SEPHS1: variants seen among roughly 807,000 people sequenced by gnomAD.
SEPHS1 encodes zincore component SEPHS1.
In SEPHS1, 7 loss-of-function variants were observed where a neutral mutation model predicts 39.2. That is an observed-to-expected ratio of 0.18 (90% CI 0.10 to 0.34). The LOEUF (loss-of-function observed/expected upper bound fraction) is 0.34. Ranked by LOEUF, SEPHS1 falls within the 10% of genes least tolerant of loss-of-function variation. The pLI, the probability that SEPHS1 is intolerant of heterozygous loss-of-function variation, is 1.00. For missense variants in SEPHS1, 253 were observed against 514.5 expected (o/e 0.49, Z 4.92); for synonymous variants, 190 against 195.5 (o/e 0.97, Z 0.23).
chr10:13,337,546 G>C (rs1428175587), intron 3 of SEPHS1, among the ~76,000 whole-genome samples: 1 of 152,214 alleles, frequency 6.6e-6, no homozygotes, highest in Admixed American at 6.5e-5. Flanking sequence ...CATTCCTGGA[G>C]GTCAGCAATG....
chr10:13,336,699 G>A (rs1833646578), intron 3 of SEPHS1, among the ~76,000 whole-genome samples: 1 of 152,186 alleles, frequency 6.6e-6, no homozygotes, highest in South Asian at 2.1e-4. Context: ...GTTTAGAACC[G>A]ACAGTCTTGG....
intron 2 of SEPHS1, among the ~76,000 whole-genome samples, chr10:13,342,831 G>A (rs1433392254): frequency 6.6e-6 from 1 of 151,838 alleles, no homozygotes; most frequent in Non-Finnish European, 1.5e-5. Context: ...TGCCTCCCGG[G>A]CTCAAGGGAT....
chr10:13,334,042 ACT>A, intron 4 of SEPHS1, 71 bp from the exon 5 acceptor site: 1 of 1,325,382 alleles, frequency 7.5e-7, no homozygotes, highest in Non-Finnish European at 1.0e-6. Flanking sequence ...AGGTTTTTAC[ACT>A]TACAGTTATA....
At chr10:13,326,740 C>T (rs1833307242) in intron 7 of SEPHS1, among the ~76,000 whole-genome samples, 1 of 152,020 alleles carries the variant, frequency 6.6e-6, no homozygotes, top group South Asian at 2.1e-4. Flanking sequence ...CACTATGTTG[C>T]CTAGGCTGGT....
chr10:13,320,508 G>A (rs925040606), intron 8 of SEPHS1, among the ~76,000 whole-genome samples: 2 of 151,216 alleles, frequency 1.3e-5, no homozygotes, highest in African/African-American at 4.9e-5. Context: ...GTAGAAATAA[G>A]ATGATGAGGA....
At chr10:13,336,210 G>T in intron 4 of SEPHS1, 33 bp downstream of exon 4, 1 of 1,463,660 alleles carries the variant, frequency 6.8e-7, no homozygotes. Context: ...GGGACAACAC[G>T]GACCAGGCAG....
At chr10:13,323,135 C>T in intron 7 of SEPHS1, 88 bp from the exon 8 acceptor site, 1 of 1,019,714 alleles carries the variant, frequency 9.8e-7, no homozygotes, top group Non-Finnish European at 1.5e-6. Flanking sequence ...AACTTCCTTA[C>T]TTGTCAGGGA....
chr10:13,323,545 G>A (rs543856441), intron 7 of SEPHS1, among the ~76,000 whole-genome samples: 1 of 151,908 alleles, frequency 6.6e-6, no homozygotes, highest in Non-Finnish European at 1.5e-5. Flanking sequence ...AGCAGAGACA[G>A]GGTTTCACCA....
Position 13,319,036 on chromosome 10 carries a change from C to T in SEPHS1, c.*106G>A, listed in dbSNP as rs1200275473. On this transcript the variant is annotated 3_prime_UTR_variant, in exon 9 of 9. Coordinates refer to ENST00000327347, the MANE Select transcript of SEPHS1 (RefSeq NM_012247.5). Reference sequence around the variant, plus strand: ...CTTACAAACCGACCTAAGGTCACCCCGATGTGTAGACACAATGAGATTTTT... The same window carrying T: ...CTTACAAACCGACCTAAGGTCACCCTGATGTGTAGACACAATGAGATTTTT... 2.1e-5 allele frequency: 24 copies of T among 1,130,774 alleles called. No homozygotes were observed. Among genetic ancestry groups the T allele is most frequent in the Middle Eastern group, 2.9e-4 (1 of 3,490 alleles). 70.0% of individuals were successfully genotyped at this position (1,130,774 alleles called of 1,614,324 possible).
intron 5 of SEPHS1, among the ~76,000 whole-genome samples, chr10:13,330,969 A>C (rs1833448948): frequency 6.6e-6 from 1 of 152,040 alleles, no homozygotes. Context: ...ATATCTCCTA[A>C]TGCTATCCCT....
rs562021285 is a variant in SEPHS1 at position 13,318,737 on chromosome 10, G to A, written c.*405C>T. On this transcript the variant is annotated 3_prime_UTR_variant, in exon 9 of 9. Transcript: ENST00000327347. ...GTCTCTCCAGAAAACCATTCAAGAC[G>A]CTTAAAAAAAAAAATCAGACTTATA... 6.5e-5 allele frequency: 12 copies of A among 184,400 alleles called. No homozygotes were observed. Among genetic ancestry groups the A allele is most frequent in the African/African-American group, 9.6e-5 (4 of 41,496 alleles). The allele number at this position is 184,400 out of a possible 1,614,324, so 11.4% of individuals were successfully genotyped here.
chr10:13,333,437 G>T (rs886755860), intron 5 of SEPHS1, among the ~76,000 whole-genome samples: 1 of 148,276 alleles, frequency 6.7e-6, no homozygotes. Flanking sequence ...CCAGCCTTGC[G>T]TTCTTGTCTT....
At chr10:13,339,139 C>T (rs979247311) in intron 2 of SEPHS1, among the ~76,000 whole-genome samples, 7 of 152,066 alleles carry the variant, frequency 4.6e-5, no homozygotes, top group Admixed American at 2.0e-4. Context: ...TGACTGGTAC[C>T]GTATACAATT....
chr10:13,325,534 C>T lies in SEPHS1; in HGVS notation c.752-2487G>A, dbSNP rs547443607. ...CATGAAGAACCTAGGTGCCTGTTTCCCCTTCACCATCTGCCACGACTGTAA... is the reference window on the plus strand; with the variant it reads ...CATGAAGAACCTAGGTGCCTGTTTCTCCTTCACCATCTGCCACGACTGTAA... On this transcript the variant is annotated intron_variant, in intron 7 of 8. Transcript: ENST00000327347. 4.6e-5 allele frequency among the ~76,000 whole-genome samples: 7 copies of T among 152,270 alleles called. No homozygotes were observed. In the East Asian group the frequency reaches 1.4e-3, roughly 29 times the overall value.
chr10:13,333,503 T>C (rs1833530399), intron 5 of SEPHS1, among the ~76,000 whole-genome samples: 1 of 151,092 alleles, frequency 6.6e-6, no homozygotes, highest in Non-Finnish European at 1.5e-5. Flanking sequence ...TGCAGGGGCA[T>C]GATCTCAGCT....
At chr10:13,347,551 A>G (rs1833962830) in intron 1 of SEPHS1, among the ~76,000 whole-genome samples, 1 of 145,210 alleles carries the variant, frequency 6.9e-6, no homozygotes, top group Admixed American at 6.8e-5. Flanking sequence ...GCCGGGGAGG[A>G]CGCCGGGACG....
At position 13,322,995 on chromosome 10, in the gene SEPHS1, G is replaced by C. The variant is rs1833159345; in HGVS notation, c.804C>G (p.Gly268=). The C allele has an allele frequency of 6.2e-7, 1 of 1,614,088 alleles. No individual in the cohort carries two copies. The highest frequency in any genetic ancestry group is 1.3e-5 in the African/African-American group (1 of 75,002). The change falls in exon 8 of 9, where the codon GGC becomes GGG. Residue 268 remains glycine (G), a synonymous_variant. Transcript: ENST00000327347. Reference sequence around the variant, plus strand: ...TCTGCGCATGGCCCAAAATCCCGAAGCCCGTGATGTCAGTGGCGGCGTGGG... The same window carrying C: ...TCTGCGCATGGCCCAAAATCCCGAACCCCGTGATGTCAGTGGCGGCGTGGG... The part of the protein sequence containing the change: ...FNAHAATDIT[G]FGILGHAQNL...
At chr10:13,323,566 G>A (rs1833175360) in intron 7 of SEPHS1, among the ~76,000 whole-genome samples, 1 of 151,874 alleles carries the variant, frequency 6.6e-6, no homozygotes, top group Non-Finnish European at 1.5e-5. Flanking sequence ...TATTGGCCAG[G>A]CTGATCTTGA....
rs879788347 is a variant in SEPHS1, at chr10:13,333,445, C to CT, written c.560+371dup. Among the ~76,000 whole-genome samples the CT allele has an allele frequency of 2.2e-3, 300 of 134,210 alleles. 2 individuals carry two copies. The highest frequency in any genetic ancestry group is 0.02 in the East Asian group (94 of 4,588). 88.0% of individuals were successfully genotyped at this position (134,210 alleles called of 152,430 possible). A position where few individuals can be genotyped will look rare whatever the true frequency, so the allele number is the denominator to read the frequency against. ...ACCGCGCCCAGCCTTGCGTTCTTGT[C>CT]TTTTTTTTTTTTGGAGACAGAATCT... On this transcript the variant is annotated intron_variant, in intron 5 of 8. Transcript: ENST00000327347.
Sources: gnomAD v4.1 joint callset for allele counts (sites outside exome capture counted in the v4.1 genomes callset) on GRCh38, gnomAD v4.1.1 for gene constraint, MANE v1.5 for transcripts, NCBI Gene and HGNC (gene_info 2026-07-23, HGNC 2026-07-21) for gene names.